The following DLC1 variants were observed in gnomAD, a reference collection of about 807,000 sequenced individuals.
DLC1 encodes DLC1 Rho GTPase activating protein.
Under a neutral mutation model 140.3 loss-of-function variants are expected in DLC1, and 54 were observed. The observed-to-expected ratio is 0.38, with a 90% CI of 0.31 to 0.48. The LOEUF (loss-of-function observed/expected upper bound fraction) is 0.48. DLC1 is among the 20% of genes least tolerant of loss of function. DLC1 has a pLI of 0.96. For synonymous variants in DLC1, 986 were observed against 728.1 expected, an observed-to-expected ratio of 1.35 and a Z score of -5.70; for missense variants, 2,536 against 1,907.0, an observed-to-expected ratio of 1.33 and a Z score of -6.14.
chr8:13,571,746 G>T (rs957991437), intron 1 of DLC1, among the ~76,000 whole-genome samples: 1 of 152,182 alleles, frequency 6.6e-6, no homozygotes, highest in Non-Finnish European at 1.5e-5. Flanking sequence ...GCTGGATCAC[G>T]TGGTAATTCT....
At chr8:13,113,000 T>G (rs1479952481) in intron 6 of DLC1, among the ~76,000 whole-genome samples, 1 of 152,244 alleles carries the variant, frequency 6.6e-6, no homozygotes, top group Non-Finnish European at 1.5e-5. Flanking sequence ...ACTATGTTAT[T>G]TTAGGAATTC....
intron 7 of DLC1, among the ~76,000 whole-genome samples, chr8:13,104,478 C>T (rs1339275623): frequency 6.6e-6 from 1 of 152,148 alleles, no homozygotes; most frequent in African/African-American, 2.4e-5. Flanking sequence ...CCCAATTTTC[C>T]TGCCATCTCC....
chr8:13,225,071 T>G (rs114098158), intron 5 of DLC1, among the ~76,000 whole-genome samples: 1 of 152,188 alleles, frequency 6.6e-6, no homozygotes. Flanking sequence ...GCCACTTAAT[T>G]TCAACTCATT....
chr8:13,149,237 C>T (rs556574043), intron 5 of DLC1, among the ~76,000 whole-genome samples: 1 of 152,292 alleles, frequency 6.6e-6, no homozygotes, highest in South Asian at 2.1e-4. Context: ...AGTTCACATC[C>T]CACCCTGGAA....
intron 4 of DLC1, among the ~76,000 whole-genome samples, chr8:13,317,846 G>T (rs1158628622): frequency 1.3e-5 from 2 of 152,142 alleles, no homozygotes; most frequent in African/African-American, 4.8e-5. Flanking sequence ...TCCAGTTATA[G>T]TCCTCAAAGT....
intron 5 of DLC1, among the ~76,000 whole-genome samples, chr8:13,176,629 G>T (rs562768586): frequency 6.6e-6 from 1 of 152,100 alleles, no homozygotes; most frequent in Non-Finnish European, 1.5e-5. Context: ...AAAGGTAGTC[G>T]TGGTAGGTAG....
chr8:13,424,382 T>C (rs1039441932), intron 2 of DLC1, among the ~76,000 whole-genome samples: 1 of 151,856 alleles, frequency 6.6e-6, no homozygotes, highest in African/African-American at 2.4e-5. Context: ...CCAGGTACTC[T>C]GGAGGCTGAG....
chr8:13,467,447 A>G (rs949191626), intron 2 of DLC1, among the ~76,000 whole-genome samples: 2 of 99,670 alleles, frequency 2.0e-5, no homozygotes, highest in African/African-American at 6.2e-5. Flanking sequence ...GTCTCTTCTT[A>G]TATTCCTTTT....
intron 2 of DLC1, among the ~76,000 whole-genome samples, chr8:13,481,937 C>T (rs578039789): frequency 1.3e-5 from 2 of 152,154 alleles, no homozygotes; most frequent in African/African-American, 4.8e-5. Flanking sequence ...GATAATATAC[C>T]TACAAGTCTT....
chr8:13,492,134 A>G lies in DLC1; in HGVS notation c.1023+6915T>C, dbSNP rs1471347325. ...TTGACTGAGAAAACTGGGGAAATTAAACACCCCCAAAAAGTAAAACATTTG... is the reference window on the plus strand; with the variant it reads ...TTGACTGAGAAAACTGGGGAAATTAGACACCCCCAAAAAGTAAAACATTTG... On this transcript the variant is annotated intron_variant, in intron 2 of 17. Transcript: ENST00000276297. 3.3e-5 allele frequency among the ~76,000 whole-genome samples: 5 copies of G among 152,186 alleles called. No homozygotes were observed. The East Asian group carries it at 9.7e-4, about 29-fold the overall frequency.
chr8:13,233,242 C>G (rs1468230477), intron 5 of DLC1, among the ~76,000 whole-genome samples: 1 of 126,012 alleles, frequency 7.9e-6, no homozygotes, highest in African/African-American at 3.1e-5. Context: ...TTGCAGTGAG[C>G]TGAGATCATG....
At chr8:13,554,058 C>T (rs1323446487) in intron 1 of DLC1, among the ~76,000 whole-genome samples, 1 of 151,942 alleles carries the variant, frequency 6.6e-6, no homozygotes, top group Admixed American at 6.6e-5. Context: ...ATGCTCATCA[C>T]TTTTTGTTTG....
At position 13,579,245 on chromosome 8, in the gene DLC1, C is replaced by CATACATATATATATAT. The variant is rs1554546967; in HGVS notation, c.-126+25291_-126+25292insATATATATATATGTAT. 3.9e-3 allele frequency among the ~76,000 whole-genome samples: 73 copies of CATACATATATATATAT among 18,892 alleles called. 9 individuals are homozygous for CATACATATATATATAT. Among genetic ancestry groups the CATACATATATATATAT allele is most frequent in the African/African-American group, 8.2e-3 (47 of 5,710 alleles). The allele number at this position is 18,892 out of a possible 152,430, so 12.4% of individuals were successfully genotyped here. A position where few individuals can be genotyped will look rare whatever the true frequency, so the allele number is the denominator to read the frequency against. The stretch of plus-strand genomic sequence containing the variant: ...GGAGCTCTAATTGAGGAACAGGGAG[C>CATACATATATATATAT]ATATATATATATATATATATATATG... On this transcript the variant is annotated intron_variant, in intron 1 of 1. Transcript: ENST00000631382.
At chr8:13,384,116 T>A (rs781416427) in intron 4 of DLC1, among the ~76,000 whole-genome samples, 16 of 152,248 alleles carry the variant, frequency 1.1e-4, no homozygotes, top group Non-Finnish European at 1.9e-4. Context: ...CCACTAAGTT[T>A]ATAATTTATT....
At chr8:13,558,434 C>T (rs1038156391) in intron 1 of DLC1, 1 of 152,046 alleles carries the variant, frequency 6.6e-6, no homozygotes, top group Non-Finnish European at 1.5e-5. Context: ...CTTGATACAC[C>T]TCAAGTTTGA....
intron 5 of DLC1, among the ~76,000 whole-genome samples, chr8:13,234,236 G>A (rs1829182504): frequency 6.6e-6 from 1 of 152,108 alleles, no homozygotes; most frequent in South Asian, 2.1e-4. Flanking sequence ...TTAAGGCCAA[G>A]TCAAGATAGA....
At chr8:13,241,585 A>G (rs1185288803) in intron 5 of DLC1, among the ~76,000 whole-genome samples, 1 of 152,188 alleles carries the variant, frequency 6.6e-6, no homozygotes, top group Non-Finnish European at 1.5e-5. Flanking sequence ...ATGTATGAAA[A>G]GCCTTTCCTT....
chr8:13,338,168 G>A (rs187625187), intron 4 of DLC1, among the ~76,000 whole-genome samples: 42 of 152,284 alleles, frequency 2.8e-4, no homozygotes, highest in African/African-American at 9.6e-4. Context: ...TGGGACACTT[G>A]GTTGTTCTTT....
chr8:13,408,076 G>C (rs1837641230), intron 2 of DLC1, among the ~76,000 whole-genome samples: 1 of 152,108 alleles, frequency 6.6e-6, no homozygotes, highest in Non-Finnish European at 1.5e-5. Context: ...AGAATTTCTA[G>C]GCAAGTTAAA....
Sources: allele counts gnomAD v4.1 joint callset (sites outside exome capture counted in the v4.1 genomes callset), GRCh38; gene constraint gnomAD v4.1.1; transcripts MANE v1.5; gene names NCBI Gene and HGNC (gene_info 2026-07-23, HGNC 2026-07-21).